C1orf141: variants seen among roughly 807,000 people sequenced by gnomAD.
C1orf141 encodes the protein uncharacterized protein C1orf141.
A neutral mutation model predicts 23.2 loss-of-function variants in C1orf141; 19 were observed. That is an observed-to-expected ratio of 0.82 (90% CI 0.57 to 1.20). The LOEUF (loss-of-function observed/expected upper bound fraction) is 1.20. C1orf141 is among the 50% of genes most tolerant of loss of function. The pLI is 0.00. For missense variants in C1orf141, 469 were observed against 455.1 expected (o/e 1.03, Z -0.28); for synonymous variants, 153 against 154.6 (o/e 0.99, Z 0.08).
At chr1:67,125,301 C>T (rs1433013809) in intron 4 of C1orf141, among the ~76,000 whole-genome samples, 1 of 151,950 alleles carries the variant, frequency 6.6e-6, no homozygotes, top group Non-Finnish European at 1.5e-5. Flanking sequence ...ATTCAGAAAG[C>T]TAATCTAGTA....
At chr1:67,127,846 G>A (rs1646445826) in intron 2 of C1orf141, among the ~76,000 whole-genome samples, 3 of 151,974 alleles carry the variant, frequency 2.0e-5, no homozygotes, top group South Asian at 4.2e-4. Context: ...TGTTGGCCAG[G>A]CTGGTCTCAA....
intron 4 of C1orf141, among the ~76,000 whole-genome samples, chr1:67,118,363 T>C (rs1163615010): frequency 6.6e-6 from 1 of 152,176 alleles, no homozygotes; most frequent in Non-Finnish European, 1.5e-5. Context: ...TTTCCTCTTT[T>C]CTCAATGTGG....
intron 5 of C1orf141, chr1:67,111,504 G>A (rs905503608): frequency 1.3e-5 from 7 of 531,704 alleles, no homozygotes; most frequent in Admixed American, 4.3e-5. Flanking sequence ...GGATTTGTAG[G>A]AGCATATATA....
At chr1:67,129,483 G>A (rs1304350236) in intron 2 of C1orf141, among the ~76,000 whole-genome samples, 3 of 152,028 alleles carry the variant, frequency 2.0e-5, no homozygotes, top group Non-Finnish European at 4.4e-5. Context: ...AAATTACACA[G>A]AGGAAATTCT....
chr1:67,120,453 C>G (rs1265097653), intron 4 of C1orf141, among the ~76,000 whole-genome samples: 1 of 152,012 alleles, frequency 6.6e-6, no homozygotes, highest in African/African-American at 2.4e-5. Flanking sequence ...TTGGGGGGGA[C>G]AGGGGTGGAA....
intron 4 of C1orf141, among the ~76,000 whole-genome samples, chr1:67,117,845 G>C (rs975966024): frequency 1.3e-5 from 2 of 152,206 alleles, no homozygotes; most frequent in African/African-American, 4.8e-5. Context: ...GAACCAAAGA[G>C]CATAGGCTTT....
chr1:67,106,954 C>T (rs2102444104), intron 5 of C1orf141, among the ~76,000 whole-genome samples: 1 of 152,268 alleles, frequency 6.6e-6, no homozygotes, highest in East Asian at 1.9e-4. Flanking sequence ...AAAAGTCTGA[C>T]ATGTTTAATA....
At chr1:67,114,321 T>C (rs185480951) in intron 5 of C1orf141, among the ~76,000 whole-genome samples, 18 of 152,084 alleles carry the variant, frequency 1.2e-4, no homozygotes, top group Admixed American at 9.8e-4. Context: ...TGGAGTAACG[T>C]ATCATCACCC....
chr1:67,101,753 C>T (rs1044752715), intron 5 of C1orf141, among the ~76,000 whole-genome samples: 1 of 151,988 alleles, frequency 6.6e-6, no homozygotes, highest in Admixed American at 6.6e-5. Flanking sequence ...TTTATGTTGA[C>T]AACTTTCCCA....
At position 67,092,958 on chromosome 1, in the gene C1orf141, T is replaced by C; in HGVS notation, c.*47A>G. The C allele has an allele frequency of 6.9e-7, 1 of 1,446,434 alleles. No homozygotes were observed. The highest frequency in any genetic ancestry group is 1.3e-5 in the South Asian group (1 of 74,768). The allele number at this position is 1,446,434 out of a possible 1,614,324, so 89.6% of individuals were successfully genotyped here. A position where few individuals can be genotyped will look rare whatever the true frequency, so the allele number is the denominator to read the frequency against. ...GAATTTCTTTTATAATTTTGGAACT[T>C]GGATATTTGCTTCTTGTTACTCAAA... On this transcript the variant is annotated 3_prime_UTR_variant, in exon 8 of 8. Coordinates refer to ENST00000684719, the MANE Select transcript of C1orf141 (RefSeq NM_001276351.2).
At chr1:67,131,934 G>A (rs1014944499) in intron 1 of C1orf141, among the ~76,000 whole-genome samples, 35 of 151,580 alleles carry the variant, frequency 2.3e-4, no homozygotes, top group African/African-American at 8.2e-4. Context: ...ACAGGTGCCC[G>A]CCACCACACG....
chr1:67,103,792 A>G (rs1032116820), intron 5 of C1orf141, among the ~76,000 whole-genome samples: 1 of 152,138 alleles, frequency 6.6e-6, no homozygotes, highest in Non-Finnish European at 1.5e-5. Flanking sequence ...ACAGCAGATC[A>G]GTTCTGAGTA....
intron 5 of C1orf141, among the ~76,000 whole-genome samples, chr1:67,105,407 A>C (rs1645902620): frequency 6.6e-6 from 1 of 152,016 alleles, no homozygotes; most frequent in African/African-American, 2.4e-5. Context: ...CAACATCATC[A>C]TTAATGGTAA....
intron 2 of C1orf141, among the ~76,000 whole-genome samples, chr1:67,130,602 T>C (rs1393548239): frequency 6.6e-6 from 1 of 152,170 alleles, no homozygotes; most frequent in African/African-American, 2.4e-5. Context: ...TAGCATGAAA[T>C]AATTTTTATG....
chr1:67,123,042 A>G (rs1290072164), intron 4 of C1orf141: 4 of 152,032 alleles, frequency 2.6e-5, no homozygotes, highest in Non-Finnish European at 5.9e-5. Context: ...TCTCTACTAA[A>G]AATACAAAAC....
rs570205673 is a variant in C1orf141 at position 67,094,910 on chromosome 1, C to CT, written c.603+324_603+325insA. 92 of 186,580 alleles carry CT rather than the reference C, an allele frequency of 4.9e-4. 1 individual carries two copies. In the South Asian group the frequency reaches 0.014, roughly 28 times the overall value. The allele number at this position is 186,580 out of a possible 1,614,324, so 11.6% of individuals were successfully genotyped here. A position where few individuals can be genotyped will look rare whatever the true frequency, so the allele number is the denominator to read the frequency against. ...TCAGACTCCAGAGTAGCGGGGATTACAGGTGCACACCACTGCATTCTGCTA... is the reference window on the plus strand; with the variant it reads ...TCAGACTCCAGAGTAGCGGGGATTACTAGGTGCACACCACTGCATTCTGCTA... On this transcript the variant is annotated intron_variant, in intron 7 of 7. Coordinates refer to ENST00000684719, the MANE Select transcript of C1orf141 (RefSeq NM_001276351.2).
chr1:67,125,919 TGCC>T lies in C1orf141; in HGVS notation c.76-13_76-11del. 2 of 1,284,470 alleles carry T rather than the reference TGCC, an allele frequency of 1.6e-6. No individual in the cohort carries two copies. Among genetic ancestry groups the T allele is most frequent in the African/African-American group, 2.0e-5 (1 of 50,226 alleles). 79.6% of individuals were successfully genotyped at this position (1,284,470 alleles called of 1,614,324 possible). On this transcript the variant is annotated splice_polypyrimidine_tract_variant and intron_variant, in intron 3 of 7. Coordinates refer to ENST00000684719, the MANE Select transcript of C1orf141 (RefSeq NM_001276351.2). ...TCTGAAGCCTGTTTATCTGCAGCAA[TGCC>T]AAAGTGAAAAAAAAAAAAAAAAAAA... is the stretch of plus-strand genomic sequence containing the variant.
chr1:67,101,941 C>T (rs986379331), intron 5 of C1orf141, among the ~76,000 whole-genome samples: 1 of 152,060 alleles, frequency 6.6e-6, no homozygotes, highest in Admixed American at 6.6e-5. Context: ...ATGTAGTAAA[C>T]AGAGGGTTGC....
chr1:67,109,051 G>C (rs982447183), intron 5 of C1orf141, among the ~76,000 whole-genome samples: 1 of 152,096 alleles, frequency 6.6e-6, no homozygotes, highest in African/African-American at 2.4e-5. Context: ...AAAGTAGGCC[G>C]GTGCGGTGGC....
Sources: allele counts gnomAD v4.1 joint callset (sites outside exome capture counted in the v4.1 genomes callset), GRCh38; gene constraint gnomAD v4.1.1; transcripts MANE v1.5; gene names NCBI Gene and HGNC (gene_info 2026-07-23, HGNC 2026-07-21).